The following CATSPER3 variants were observed in gnomAD, a reference collection of about 807,000 sequenced individuals.
CATSPER3 encodes the protein cation channel sperm associated 3.
A neutral mutation model predicts 36.6 loss-of-function variants in CATSPER3; 23 were observed. The observed-to-expected ratio is 0.63, with a 90% CI of 0.45 to 0.89. CATSPER3 has a LOEUF of 0.89. Among genes scored for constraint, CATSPER3 ranks in the 40% least tolerant of loss-of-function variants. CATSPER3 has a pLI of 0.00. For missense variants in CATSPER3, 474 were observed against 503.9 expected (o/e 0.94, Z 0.57); for synonymous variants, 172 against 184.1 (o/e 0.93, Z 0.53).
intron 2 of CATSPER3, among the ~76,000 whole-genome samples, chr5:134,980,407 TTCC>T (rs929340994): frequency 1.4e-5 from 2 of 147,122 alleles, no homozygotes; most frequent in African/African-American, 5.0e-5. Context: ...CCTCCTTCCT[TTCC>T]TCCTTTCTTT....
At chr5:134,974,558 T>G (rs1468388831) in intron 2 of CATSPER3, among the ~76,000 whole-genome samples, 1 of 152,224 alleles carries the variant, frequency 6.6e-6, no homozygotes, top group Non-Finnish European at 1.5e-5. Flanking sequence ...AAATAATTTA[T>G]TACACTATAT....
Position 134,995,374 on chromosome 5 carries a change from G to A in CATSPER3, c.253-899G>A, listed in dbSNP as rs12654429. On this transcript the variant is annotated intron_variant, in intron 2 of 7. Coordinates refer to ENST00000282611, the MANE Select transcript of CATSPER3 (RefSeq NM_178019.3). ...AGCTCCCACATATGAGTGAGAACAT[G>A]TGATATTTGTCCTTCTGTGTTTGGT... Among the ~76,000 whole-genome samples, 550 of 152,160 alleles carry A rather than the reference G, an allele frequency of 3.6e-3. 15 individuals carry two copies. The East Asian group carries it at 0.08, about 22-fold the overall frequency.
chr5:134,970,063 A>G lies in CATSPER3; in HGVS notation c.223A>G (p.Ile75Val), dbSNP rs143170274. The G allele has an allele frequency of 1.8e-5, 29 of 1,614,148 alleles. No homozygotes were observed. The African/African-American group carries it at 3.5e-4, about 19-fold the overall frequency. The change falls in exon 2 of 8, where the codon ATA becomes GTA. Residue 75 changes from isoleucine to valine, a missense_variant. By Grantham distance (29) the Ile-to-Val change is conservative. Transcript: ENST00000282611. ...TATGGCCTTGTGGACCAGTTATGAC[A>G]TAAGGTACCGCTTGTTCAGACTTCT... ...FFMALWTSYDIRYRLFRLLEF... is the reference protein window; with the variant it reads ...FFMALWTSYDVRYRLFRLLEF...
chr5:135,003,084 T>G (rs1224482032), intron 3 of CATSPER3, among the ~76,000 whole-genome samples: 1 of 152,208 alleles, frequency 6.6e-6, no homozygotes, highest in Non-Finnish European at 1.5e-5. Context: ...CTTTGTGGTT[T>G]TATCTACCTT....
At chr5:134,990,560 A>G (rs1373056481) in intron 2 of CATSPER3, among the ~76,000 whole-genome samples, 1 of 152,178 alleles carries the variant, frequency 6.6e-6, no homozygotes, top group East Asian at 1.9e-4. Context: ...TTTTCCTTTC[A>G]CAATAGTAAC....
chr5:134,983,997 C>T (rs1751778774), intron 2 of CATSPER3, among the ~76,000 whole-genome samples: 1 of 152,120 alleles, frequency 6.6e-6, no homozygotes, highest in Non-Finnish European at 1.5e-5. Context: ...TACTTAGCAA[C>T]CAACCCATAT....
At chr5:135,000,371 C>T (rs1237363076) in intron 3 of CATSPER3, among the ~76,000 whole-genome samples, 1 of 152,168 alleles carries the variant, frequency 6.6e-6, no homozygotes, top group Non-Finnish European at 1.5e-5. Context: ...GGATATTGGT[C>T]TAAAATTCTC....
intron 1 of CATSPER3, chr5:134,968,901 C>G (rs1167590067): frequency 6.6e-6 from 1 of 152,054 alleles, no homozygotes; most frequent in Non-Finnish European, 1.5e-5. Flanking sequence ...AAAATTTTGG[C>G]ATATTTCCTG....
At chr5:135,005,832 C>T (rs1752079196) in intron 3 of CATSPER3, among the ~76,000 whole-genome samples, 2 of 152,336 alleles carry the variant, frequency 1.3e-5, no homozygotes, top group East Asian at 3.9e-4. Flanking sequence ...ATTAGTCCCC[C>T]TTCCTCCCTG....
intron 2 of CATSPER3, among the ~76,000 whole-genome samples, chr5:134,973,922 A>G (rs545343511): frequency 1.7e-4 from 26 of 152,256 alleles, no homozygotes; most frequent in African/African-American, 5.5e-4. Context: ...GAAAGAGTCA[A>G]GCATTACTGA....
At chr5:134,997,341 C>T (rs551149198) in intron 3 of CATSPER3, among the ~76,000 whole-genome samples, 1 of 152,230 alleles carries the variant, frequency 6.6e-6, no homozygotes, top group Non-Finnish European at 1.5e-5. Context: ...TGCATACACA[C>T]CTTTGTTTGT....
intron 3 of CATSPER3, among the ~76,000 whole-genome samples, chr5:135,006,300 G>T (rs1486518166): frequency 6.6e-6 from 1 of 152,202 alleles, no homozygotes; most frequent in East Asian, 1.9e-4. Context: ...AGGTTGCTCA[G>T]CTTGGACCTC....
intron 2 of CATSPER3, among the ~76,000 whole-genome samples, chr5:134,970,656 C>G (rs547084665): frequency 2.0e-5 from 3 of 149,586 alleles, no homozygotes; most frequent in Non-Finnish European, 4.4e-5. Context: ...ACTGCAACCT[C>G]TGCCTCCCAG....
At chr5:134,970,185 A>AGTG in intron 2 of CATSPER3, 93 bp downstream of exon 2, 3 of 1,249,932 alleles carry the variant, frequency 2.4e-6, no homozygotes, top group Non-Finnish European at 3.5e-6. Context: ...TCCGAGACAG[A>AGTG]ATCTCACTCT....
At chr5:134,992,106 A>C (rs1751885481) in intron 2 of CATSPER3, among the ~76,000 whole-genome samples, 1 of 151,844 alleles carries the variant, frequency 6.6e-6, no homozygotes, top group South Asian at 2.1e-4. Context: ...TGGATGACAG[A>C]GCAAGACCCT....
At chr5:134,970,948 T>G (rs1751597830) in intron 2 of CATSPER3, among the ~76,000 whole-genome samples, 1 of 151,810 alleles carries the variant, frequency 6.6e-6, no homozygotes, top group African/African-American at 2.4e-5. Context: ...GGGACTCCTA[T>G]CTCTCTTTTT....
chr5:134,976,112 A>G (rs759583789), intron 2 of CATSPER3, among the ~76,000 whole-genome samples: 1 of 152,210 alleles, frequency 6.6e-6, no homozygotes, highest in Non-Finnish European at 1.5e-5. Flanking sequence ...TTGCATTGCT[A>G]TAAAGAAATA....
intron 2 of CATSPER3, among the ~76,000 whole-genome samples, chr5:134,978,936 A>G (rs1046806301): frequency 6.6e-6 from 1 of 151,838 alleles, no homozygotes; most frequent in Non-Finnish European, 1.5e-5. Context: ...GTTAGCCAGG[A>G]TGGTCTCGAT....
At chr5:134,978,272 T>C (rs932270489) in intron 2 of CATSPER3, among the ~76,000 whole-genome samples, 1 of 152,182 alleles carries the variant, frequency 6.6e-6, no homozygotes, top group African/African-American at 2.4e-5. Context: ...CAATATGCGT[T>C]GTATACTTCA....
Sources: allele counts gnomAD v4.1 joint callset (sites outside exome capture counted in the v4.1 genomes callset), GRCh38; gene constraint gnomAD v4.1.1; transcripts MANE v1.5; gene names NCBI Gene and HGNC (gene_info 2026-07-23, HGNC 2026-07-21).